TSGA10: variants seen among roughly 807,000 people sequenced by gnomAD.
TSGA10 encodes testis specific 10.
In TSGA10, 43 loss-of-function variants were observed where a neutral mutation model predicts 96.6. The observed-to-expected ratio is 0.44, with a 90% CI of 0.35 to 0.57. TSGA10 has a LOEUF of 0.57. Ranked by LOEUF, TSGA10 falls within the 20% of genes least tolerant of loss-of-function variation. The pLI is 0.01. For synonymous variants in TSGA10, 229 were observed against 269.9 expected (o/e 0.85, Z 1.48); for missense variants, 703 against 834.4 (o/e 0.84, Z 1.94).
Position 99,119,532 on chromosome 2 carries a change from T to G in TSGA10, c.-491-846A>C, listed in dbSNP as rs569436799. ...ACTTCTTTTAGGGGAGTTATTGAAA[T>G]GTACACACTTGAAATTGAAGTGTTA... On this transcript the variant is annotated intron_variant, in intron 2 of 20. Transcript: ENST00000393483. Among the ~76,000 whole-genome samples, 3 of 152,340 alleles carry G rather than the reference T, an allele frequency of 2.0e-5. No homozygotes were observed. In the East Asian group the frequency reaches 5.8e-4, roughly 29 times the overall value.
chr2:99,150,386 T>C, intron 1 of TSGA10: 1 of 668,796 alleles, frequency 1.5e-6, no homozygotes, highest in Non-Finnish European at 2.4e-6. Flanking sequence ...TACTTTATAT[T>C]TCTAGTATCA....
chr2:99,038,613 C>T (rs1048556972), intron 16 of TSGA10, among the ~76,000 whole-genome samples: 3 of 152,104 alleles, frequency 2.0e-5, no homozygotes, highest in African/African-American at 7.2e-5. Context: ...TCTCACAGTT[C>T]TAAATATTTA....
chr2:99,036,245 T>C (rs60516303), intron 16 of TSGA10, among the ~76,000 whole-genome samples: 8,216 of 152,168 alleles, frequency 0.054, 413 homozygotes, highest in East Asian at 0.21. Flanking sequence ...ATAAGTTATT[T>C]GGCCATAATT....
intron 18 of TSGA10, among the ~76,000 whole-genome samples, chr2:99,019,707 T>C (rs1236175173): frequency 6.6e-6 from 1 of 152,054 alleles, no homozygotes; most frequent in Non-Finnish European, 1.5e-5. Flanking sequence ...GATGATCAAG[T>C]TTAATAGAAA....
intron 11 of TSGA10, among the ~76,000 whole-genome samples, chr2:99,079,210 A>G (rs1395701699): frequency 1.3e-5 from 2 of 152,186 alleles, no homozygotes; most frequent in Admixed American, 6.5e-5. Flanking sequence ...ACTGTTGTAT[A>G]TAAAGTTGGT....
At chr2:99,109,026 A>G in intron 6 of TSGA10, 35 bp from the exon 7 acceptor site, 2 of 1,471,868 alleles carry the variant, frequency 1.4e-6, no homozygotes, top group Non-Finnish European at 1.8e-6. Context: ...ATCTTCTTTG[A>G]TATATAGTAC....
At chr2:99,136,018 A>AAAAAAAAAC (rs1214267491) in intron 1 of TSGA10, among the ~76,000 whole-genome samples, 1 of 152,010 alleles carries the variant, frequency 6.6e-6, no homozygotes, top group African/African-American at 2.4e-5. Context: ...CCAAAAAAAA[A>AAAAAAAAAC]AAAGGGTCTG....
chr2:99,150,382 A>C lies in TSGA10; in HGVS notation c.-621+4311T>G, dbSNP rs547833876. 7.7e-6 allele frequency: 5 copies of C among 645,462 alleles called. 1 individual carries two copies. The South Asian group carries it at 9.5e-5, about 12-fold the overall frequency. The allele number at this position is 645,462 out of a possible 1,614,324, so 40.0% of individuals were successfully genotyped here. On this transcript the variant is annotated intron_variant, in intron 1 of 20. Coordinates refer to ENST00000393483, the MANE Select transcript of TSGA10 (RefSeq NM_025244.4). ...GAAAGGTAGGAGGCAATTTTACTTT[A>C]TATTTCTAGTATCACCACAGCTTTT...
chr2:99,013,624 C>A (rs1182924748), intron 20 of TSGA10, among the ~76,000 whole-genome samples: 1 of 151,838 alleles, frequency 6.6e-6, no homozygotes, highest in East Asian at 2.0e-4. Flanking sequence ...AGCCACCGCA[C>A]CCAGCCTGAA....
In TSGA10 at chr2:99,071,955, AC is replaced by A. The variant is rs141273180; in HGVS notation, c.939-82del. On this transcript the variant is annotated intron_variant, in intron 13 of 20. Transcript: ENST00000393483. ...CAAATTCTCACAAGACAGAAGATGG[AC>A]AGTTAGTATGAAAACATTTGAAGAG... 3,121 of 1,263,982 alleles carry A rather than the reference AC, an allele frequency of 2.5e-3. 65 individuals are homozygous for A. The African/African-American group carries it at 0.042, about 17-fold the overall frequency. The allele number at this position is 1,263,982 out of a possible 1,614,324, so 78.3% of individuals were successfully genotyped here.
intron 2 of TSGA10, 68 bp downstream of exon 2, chr2:99,126,980 T>C: frequency 8.1e-7 from 1 of 1,240,074 alleles, no homozygotes; most frequent in Non-Finnish European, 1.0e-6. Context: ...TTATTCTCTA[T>C]CTTCTTGTTT....
chr2:99,154,903 C>T lies in TSGA10; in HGVS notation c.-831G>A, dbSNP rs1190801859. On this transcript the variant is annotated 5_prime_UTR_variant, in exon 1 of 21. Transcript: ENST00000393483. ...GCGGAGAGACTAGGCGCGATCCCTGCGCGCCCCTCCTTCTCTTGCGCTTCA... is the reference window on the plus strand; with the variant it reads ...GCGGAGAGACTAGGCGCGATCCCTGTGCGCCCCTCCTTCTCTTGCGCTTCA... 1.2e-5 allele frequency: 5 copies of T among 421,764 alleles called. No homozygotes were observed. In the Admixed American group the frequency reaches 1.3e-4, roughly 11 times the overall value. 26.1% of individuals were successfully genotyped at this position (421,764 alleles called of 1,614,324 possible).
chr2:99,075,405 C>A (rs989494353), intron 12 of TSGA10, among the ~76,000 whole-genome samples: 2 of 151,840 alleles, frequency 1.3e-5, no homozygotes, highest in Non-Finnish European at 2.9e-5. Flanking sequence ...TTTTTCTTAC[C>A]CAAAAATCTA....
At chr2:99,108,752 G>A (rs1181313821) in intron 7 of TSGA10, 81 bp downstream of exon 7, 2 of 1,021,832 alleles carry the variant, frequency 2.0e-6, no homozygotes, top group African/African-American at 1.6e-5. Context: ...GGTTTAAGCA[G>A]TCTCATAAAA....
chr2:99,018,818 C>T (rs1400550644), intron 18 of TSGA10, among the ~76,000 whole-genome samples, 178 bp from the exon 19 acceptor site: 1 of 152,104 alleles, frequency 6.6e-6, no homozygotes, highest in Non-Finnish European at 1.5e-5. Context: ...AGTAAGTATG[C>T]AGAGTAGCCT....
rs536951477 is a variant in TSGA10, at chr2:99,001,793, G to T, written c.2073-3572C>A. ...AAACAGCATAGAGAAGACCTTAAAT[G>T]ACCTGACGGAGCTAAAAACCATGGC... is the stretch of plus-strand genomic sequence containing the variant. On this transcript the variant is annotated intron_variant, in intron 20 of 20. Transcript: ENST00000393483. Among the ~76,000 whole-genome samples the T allele has an allele frequency of 2.1e-4, 32 of 152,280 alleles. 1 individual carries two copies. The East Asian group carries it at 6.0e-3, about 29-fold the overall frequency.
At chr2:99,123,554 T>A (rs1209577013) in intron 2 of TSGA10, among the ~76,000 whole-genome samples, 4 of 152,218 alleles carry the variant, frequency 2.6e-5, no homozygotes, top group Non-Finnish European at 5.9e-5. Context: ...ATAATTTTCA[T>A]TTTAACATTT....
intron 20 of TSGA10, among the ~76,000 whole-genome samples, chr2:99,002,695 T>C (rs1210859624): frequency 6.6e-6 from 1 of 152,202 alleles, no homozygotes; most frequent in Middle Eastern, 3.4e-3. Context: ...ACTGGCAAAT[T>C]GGATAAAGAG....
intron 10 of TSGA10, among the ~76,000 whole-genome samples, chr2:99,087,356 A>G (rs557708649): frequency 2.0e-3 from 302 of 151,328 alleles, no homozygotes; most frequent in Middle Eastern, 3.4e-3. Flanking sequence ...AAAATACAAA[A>G]TTAGCCTGGT....
Sources: gnomAD v4.1 joint callset for allele counts (sites outside exome capture counted in the v4.1 genomes callset) on GRCh38, gnomAD v4.1.1 for gene constraint, MANE v1.5 for transcripts, NCBI Gene and HGNC (gene_info 2026-07-23, HGNC 2026-07-21) for gene names.